Variants in NEK7 observed in about 807,000 individuals in gnomAD.
NEK7 encodes the protein serine/threonine-protein kinase Nek7.
Under a neutral mutation model 44.6 loss-of-function variants are expected in NEK7, and 18 were observed. The observed-to-expected ratio is 0.40, with a 90% confidence interval of 0.28 to 0.60. NEK7 has a LOEUF of 0.60. NEK7 is among the 20% of genes least tolerant of loss of function. NEK7 has a pLI of 0.38. For missense variants in NEK7, 256 were observed against 366.5 expected (o/e 0.70, Z 2.46); for synonymous variants, 130 against 121.1 (o/e 1.07, Z -0.48).
chr1:198,236,172 C>T (rs1190648369), intron 2 of NEK7, among the ~76,000 whole-genome samples: 2 of 152,058 alleles, frequency 1.3e-5, no homozygotes, highest in African/African-American at 2.4e-5. Flanking sequence ...AACTATATTA[C>T]CTTCTTTTTT....
At chr1:198,246,460 T>C (rs1485224534) in intron 2 of NEK7, among the ~76,000 whole-genome samples, 2 of 152,202 alleles carry the variant, frequency 1.3e-5, no homozygotes, top group Non-Finnish European at 2.9e-5. Context: ...TAATGAAGTG[T>C]CTAATGCTCA....
At chr1:198,313,476 G>A (rs1374123452) in intron 9 of NEK7, among the ~76,000 whole-genome samples, 51 of 137,078 alleles carry the variant, frequency 3.7e-4, no homozygotes, top group Non-Finnish European at 6.2e-4. Flanking sequence ...ATTTGATCCT[G>A]TCATTATGAT....
At chr1:198,204,634 G>A (rs556105450) in intron 1 of NEK7, among the ~76,000 whole-genome samples, 2 of 150,250 alleles carry the variant, frequency 1.3e-5, no homozygotes, top group African/African-American at 2.4e-5. Context: ...CAGGAGAATG[G>A]CATGAACCCA....
intron 1 of NEK7, among the ~76,000 whole-genome samples, chr1:198,209,356 A>C (rs1665699696): frequency 6.6e-6 from 1 of 152,086 alleles, no homozygotes; most frequent in Non-Finnish European, 1.5e-5. Context: ...ACAGATTCTT[A>C]GTAGAATAAT....
chr1:198,164,521 A>G (rs979410573), intron 1 of NEK7, among the ~76,000 whole-genome samples: 15 of 152,226 alleles, frequency 9.9e-5, no homozygotes, highest in African/African-American at 3.4e-4. Context: ...AGCGAGTCAG[A>G]TGAATCTTTT....
In NEK7 at chr1:198,258,352, T is replaced by A. The variant is rs183148391; in HGVS notation, c.199-4223T>A. ...TACCTGGGAGGCTGAGGCAGGAGAA[T>A]CGCTTGAACCCGGGAGGTGGAGGTT... On this transcript the variant is annotated intron_variant, in intron 3 of 9. Transcript: ENST00000367385. Among the ~76,000 whole-genome samples, 401 of 152,208 alleles carry A rather than the reference T, an allele frequency of 2.6e-3. 1 individual carries two copies. The highest frequency in any genetic ancestry group is 9.0e-3 in the African/African-American group (373 of 41,520).
chr1:198,174,249 T>A (rs560933222), intron 1 of NEK7, among the ~76,000 whole-genome samples: 1 of 152,340 alleles, frequency 6.6e-6, no homozygotes, highest in South Asian at 2.1e-4. Context: ...AAACATCTTG[T>A]TATTAAGTAC....
At chr1:198,314,388 G>A (rs1191416592) in intron 9 of NEK7, among the ~76,000 whole-genome samples, 2 of 152,166 alleles carry the variant, frequency 1.3e-5, no homozygotes, top group Admixed American at 6.5e-5. Flanking sequence ...ATGTCCTCCC[G>A]TAGCTCGGAG....
chr1:198,182,316 T>C (rs779953434), intron 1 of NEK7, among the ~76,000 whole-genome samples: 1 of 152,174 alleles, frequency 6.6e-6, no homozygotes, highest in Non-Finnish European at 1.5e-5. Flanking sequence ...TATTAAATAT[T>C]AAGTAGGTCG....
intron 2 of NEK7, among the ~76,000 whole-genome samples, 161 bp from the exon 3 acceptor site, chr1:198,252,879 G>C (rs1653117947): frequency 6.6e-6 from 1 of 151,838 alleles, no homozygotes; most frequent in Non-Finnish European, 1.5e-5. Flanking sequence ...TCAGTGTGTA[G>C]GACAGTGCCT....
At chr1:198,229,037 G>A (rs1321984985) in intron 1 of NEK7, among the ~76,000 whole-genome samples, 2 of 152,134 alleles carry the variant, frequency 1.3e-5, no homozygotes, top group Admixed American at 6.5e-5. Context: ...CCATACTCTG[G>A]GGAAAGGAAT....
chr1:198,240,509 A>G (rs1666655088), intron 2 of NEK7, among the ~76,000 whole-genome samples: 1 of 152,050 alleles, frequency 6.6e-6, no homozygotes. Context: ...CAAAAAAAAA[A>G]AAAAAGAAAT....
chr1:198,246,976 C>T (rs1179917538), intron 2 of NEK7, among the ~76,000 whole-genome samples: 1 of 152,144 alleles, frequency 6.6e-6, no homozygotes, highest in Non-Finnish European at 1.5e-5. Flanking sequence ...AAACATGTTT[C>T]CTTTTTAAAC....
chr1:198,243,722 C>T (rs1330665973), intron 2 of NEK7, among the ~76,000 whole-genome samples: 5 of 152,022 alleles, frequency 3.3e-5, no homozygotes, highest in African/African-American at 1.2e-4. Flanking sequence ...GATAAAAGGC[C>T]GGTTTTAATG....
chr1:198,164,778 A>G (rs1664216206), intron 1 of NEK7, among the ~76,000 whole-genome samples: 1 of 152,212 alleles, frequency 6.6e-6, no homozygotes. Context: ...TTTTCTTAAA[A>G]GTAGACAACC....
At chr1:198,297,648 T>G (rs1654751827) in intron 9 of NEK7, among the ~76,000 whole-genome samples, 1 of 152,194 alleles carries the variant, frequency 6.6e-6, no homozygotes, top group South Asian at 2.1e-4. Flanking sequence ...TAATTTTCTA[T>G]TTTGGCAGAA....
At chr1:198,301,346 C>T (rs371953044) in intron 9 of NEK7, among the ~76,000 whole-genome samples, 4 of 151,828 alleles carry the variant, frequency 2.6e-5, no homozygotes, top group Admixed American at 2.0e-4. Flanking sequence ...GTCAGGAGAT[C>T]GAGACCATCC....
At chr1:198,304,324 C>T (rs894062730) in intron 9 of NEK7, among the ~76,000 whole-genome samples, 2 of 152,146 alleles carry the variant, frequency 1.3e-5, no homozygotes, top group Non-Finnish European at 2.9e-5. Flanking sequence ...CCTTTACCCC[C>T]AATTCAATCA....
At chr1:198,265,940 A>G (rs1197509527) in intron 5 of NEK7, among the ~76,000 whole-genome samples, 1 of 152,064 alleles carries the variant, frequency 6.6e-6, no homozygotes, top group Non-Finnish European at 1.5e-5. Flanking sequence ...TAATAAAACT[A>G]TATGACAGGT....
Sources: gnomAD v4.1 joint callset for allele counts (sites outside exome capture counted in the v4.1 genomes callset) on GRCh38, gnomAD v4.1.1 for gene constraint, MANE v1.5 for transcripts, NCBI Gene and HGNC (gene_info 2026-07-23, HGNC 2026-07-21) for gene names.